DNM3: variants seen among roughly 807,000 people sequenced by gnomAD.
DNM3 encodes the protein dynamin 3, also known as dynamin-3.
In DNM3, 47 loss-of-function variants were observed where a neutral mutation model predicts 101.6. That is an observed-to-expected ratio of 0.46 (90% CI 0.37 to 0.59). DNM3 has a LOEUF of 0.59. DNM3 is among the 20% of genes least tolerant of loss of function. DNM3 has a pLI of 0.00. For synonymous variants in DNM3, 385 were observed against 387.9 expected (o/e 0.99, Z 0.09); for missense variants, 849 against 1,085.7 (o/e 0.78, Z 3.06).
At chr1:172,377,266 C>A (rs2068649769) in intron 17 of DNM3, among the ~76,000 whole-genome samples, 1 of 151,592 alleles carries the variant, frequency 6.6e-6, no homozygotes, top group South Asian at 2.1e-4. Context: ...TACGATGATA[C>A]CCCTGTCCTA....
intron 15 of DNM3, among the ~76,000 whole-genome samples, chr1:172,306,961 G>A (rs1445047771): frequency 1.3e-5 from 2 of 152,128 alleles, no homozygotes; most frequent in African/African-American, 4.8e-5. Context: ...CAGGACATAG[G>A]CATGGGCAAG....
chr1:172,231,131 T>TG (rs1054549564), intron 14 of DNM3, among the ~76,000 whole-genome samples: 1 of 144,060 alleles, frequency 6.9e-6, no homozygotes, highest in Non-Finnish European at 1.5e-5. Context: ...ACTACCCTAC[T>TG]GGGGGGTGCC....
intron 4 of DNM3, among the ~76,000 whole-genome samples, chr1:172,005,560 G>C (rs1376093055): frequency 1.3e-5 from 2 of 151,978 alleles, no homozygotes; most frequent in African/African-American, 4.8e-5. Context: ...GGGTTATAAA[G>C]GTGATAACCA....
At chr1:171,873,700 TG>T (rs1241939569) in intron 1 of DNM3, among the ~76,000 whole-genome samples, 1 of 152,244 alleles carries the variant, frequency 6.6e-6, no homozygotes, top group Non-Finnish European at 1.5e-5. Context: ...AAATGCCTGA[TG>T]TTCTTAACTA....
chr1:172,042,118 G>A lies in DNM3; in HGVS notation c.1102G>A (p.Glu368Lys). ...TGCTAAAATCAATCGTATTTTTCAT[G>A]AACGCTTTCCTTTTGAGATAGTAAA... ...GGAKINRIFH[E>K]RFPFEIVKME... Residue 368 changes from glutamate (E) to lysine (K), a missense_variant, in exon 8 of 21, where the codon GAA (glutamate) becomes AAA (lysine). Around this residue, in one of 5 missense-constraint regions of DNM3, gnomAD observed 388 missense variants for 483.0 expected, o/e 0.80. Coordinates refer to ENST00000627582, the MANE Select transcript of DNM3 (RefSeq NM_015569.5). 6.2e-7 allele frequency: 1 copy of A among 1,608,452 alleles called. No individual in the cohort carries two copies. Among genetic ancestry groups the A allele is most frequent in the East Asian group, 2.2e-5 (1 of 44,780 alleles).
At chr1:172,110,454 C>G (rs2055383596) in intron 13 of DNM3, among the ~76,000 whole-genome samples, 2 of 152,116 alleles carry the variant, frequency 1.3e-5, no homozygotes, top group Admixed American at 1.3e-4. Context: ...TTCTGTGTGT[C>G]TAACATAGAA....
At chr1:172,392,893 T>C (rs2069649128) in intron 20 of DNM3, among the ~76,000 whole-genome samples, 1 of 152,186 alleles carries the variant, frequency 6.6e-6, no homozygotes, top group Non-Finnish European at 1.5e-5. Context: ...TTACTCCAGC[T>C]CATCAAAATG....
chr1:171,987,366 A>C, intron 2 of DNM3: 1 of 962,364 alleles, frequency 1.0e-6, no homozygotes, highest in Non-Finnish European at 1.2e-6. Context: ...TATCATTTGG[A>C]TAGCCAAAAT....
At chr1:171,981,440 T>C (rs2044785356) in intron 2 of DNM3, among the ~76,000 whole-genome samples, 1 of 152,254 alleles carries the variant, frequency 6.6e-6, no homozygotes, top group African/African-American at 2.4e-5. Context: ...TTTTTACTCA[T>C]GGAAGGGGCA....
chr1:172,299,341 A>G (rs1397483317), intron 15 of DNM3, among the ~76,000 whole-genome samples: 1 of 152,228 alleles, frequency 6.6e-6, no homozygotes, highest in African/African-American at 2.4e-5. Flanking sequence ...GGAGTGTCTT[A>G]CTTCAGAAGA....
intron 14 of DNM3, among the ~76,000 whole-genome samples, chr1:172,156,957 GGAGA>G (rs2058361661): frequency 6.6e-6 from 1 of 152,026 alleles, no homozygotes; most frequent in Admixed American, 6.6e-5. Flanking sequence ...TCATAGAGCA[GGAGA>G]CCCCCAACCT....
At position 172,157,134 on chromosome 1, in the gene DNM3, C is replaced by T. The variant is rs187742060; in HGVS notation, c.1659+25846C>T. Among the ~76,000 whole-genome samples the T allele has an allele frequency of 3.5e-3, 533 of 152,126 alleles. 2 individuals are homozygous for T. The highest frequency in any genetic ancestry group is 0.012 in the African/African-American group (499 of 41,516). On this transcript the variant is annotated intron_variant, in intron 14 of 20. Coordinates refer to ENST00000627582, the MANE Select transcript of DNM3 (RefSeq NM_015569.5). ...GAAATATGTATACAACTTATCATAA[C>T]GTAGAATCAGGGGGAACCCTGAGCT...
intron 4 of DNM3, among the ~76,000 whole-genome samples, chr1:172,017,861 C>T (rs2047551903): frequency 1.3e-5 from 2 of 152,110 alleles, no homozygotes; most frequent in Non-Finnish European, 2.9e-5. Context: ...TGTTTCTCCT[C>T]AGGTATTTTT....
chr1:172,058,274 T>A (rs966392165), intron 10 of DNM3, among the ~76,000 whole-genome samples: 9 of 151,828 alleles, frequency 5.9e-5, no homozygotes, highest in Admixed American at 3.9e-4. Flanking sequence ...CTGTCAACAT[T>A]AGACAGATCA....
intron 14 of DNM3, among the ~76,000 whole-genome samples, chr1:172,204,188 A>AAAC (rs2060250191): frequency 6.6e-6 from 1 of 152,122 alleles, no homozygotes; most frequent in Non-Finnish European, 1.5e-5. Context: ...TTGTGAATTT[A>AAAC]TTTTGAAACT....
chr1:172,047,475 GA>G (rs2049899572), intron 9 of DNM3, among the ~76,000 whole-genome samples: 1 of 152,138 alleles, frequency 6.6e-6, no homozygotes, highest in Non-Finnish European at 1.5e-5. Context: ...CAAAGGCAAA[GA>G]CATACAATAT....
chr1:172,182,881 G>A (rs1478062214), intron 14 of DNM3, among the ~76,000 whole-genome samples: 1 of 152,100 alleles, frequency 6.6e-6, no homozygotes, highest in East Asian at 1.9e-4. Flanking sequence ...AATAGTATCA[G>A]CACTTTATTT....
At chr1:172,237,378 C>A (rs1287051488) in intron 14 of DNM3, among the ~76,000 whole-genome samples, 1 of 152,078 alleles carries the variant, frequency 6.6e-6, no homozygotes, top group East Asian at 1.9e-4. Flanking sequence ...ATGTTCCAGC[C>A]GTGCCTGGGC....
chr1:171,938,746 A>G (rs1157142181), intron 2 of DNM3, among the ~76,000 whole-genome samples: 2 of 152,196 alleles, frequency 1.3e-5, no homozygotes, highest in African/African-American at 2.4e-5. Context: ...ACTTGGTCCA[A>G]ATATTCCCAC....
Sources: gnomAD v4.1 joint callset for allele counts (sites outside exome capture counted in the v4.1 genomes callset) on GRCh38, gnomAD v4.1.1 for gene constraint, gnomAD v4.1.1 regional missense constraint, MANE v1.5 for transcripts, NCBI Gene and HGNC (gene_info 2026-07-23, HGNC 2026-07-21) for gene names.